The following RNF6 variants were observed in gnomAD, a reference collection of about 807,000 sequenced individuals.
RNF6 encodes the protein E3 ubiquitin-protein ligase RNF6.
In RNF6, 21 loss-of-function variants were observed where a neutral mutation model predicts 50.1. The ratio of observed to expected loss-of-function variants is 0.42; its 90% CI spans 0.30 to 0.60. The LOEUF is 0.60. Among genes scored for constraint, RNF6 ranks in the 20% least tolerant of loss-of-function variants. The probability of loss-of-function intolerance (pLI) is 0.20; values close to 1 mark genes in which losing one functional copy is unlikely to be tolerated. For synonymous variants in RNF6, 255 were observed against 291.8 expected (o/e 0.87, Z 1.29); for missense variants, 698 against 838.2 (o/e 0.83, Z 2.07).
chr13:26,168,839 CA>C (rs1046633748), intron 5 of RNF6, among the ~76,000 whole-genome samples: 13 of 152,278 alleles, frequency 8.5e-5, no homozygotes, highest in African/African-American at 2.6e-4. Context: ...CCTATCTCTA[CA>C]AAAAATTTAA....
chr13:26,176,364 A>C (rs1872956892), intron 5 of RNF6, among the ~76,000 whole-genome samples: 1 of 152,162 alleles, frequency 6.6e-6, no homozygotes, highest in Non-Finnish European at 1.5e-5. Flanking sequence ...ATCATAGCTC[A>C]CTGTATCCTT....
At position 26,213,702 on chromosome 13, in the gene RNF6, A is replaced by T. The variant is rs2049787091; in HGVS notation, c.*122T>A. ...AAGTTTAAAAAAGCACACGAAAAAT[A>T]GTTCAAACTATATATAATCTGTTAT... On this transcript the variant is annotated 3_prime_UTR_variant, in exon 5 of 5. Coordinates refer to ENST00000381588, the MANE Select transcript of RNF6 (RefSeq NM_005977.4). 2 of 631,124 alleles carry T rather than the reference A, an allele frequency of 3.2e-6. No homozygotes were observed. Among genetic ancestry groups the T allele is most frequent in the South Asian group, 1.0e-4 (2 of 19,772 alleles). The allele number at this position is 631,124 out of a possible 1,614,324, so 39.1% of individuals were successfully genotyped here. A position where few individuals can be genotyped will look rare whatever the true frequency, so the allele number is the denominator to read the frequency against.
intron 5 of RNF6, among the ~76,000 whole-genome samples, chr13:26,177,469 TTC>T (rs1873012787): frequency 6.6e-6 from 1 of 152,308 alleles, no homozygotes; most frequent in East Asian, 1.9e-4. Context: ...TCAGTCAGAG[TTC>T]TGTCTTGGTT....
At chr13:26,137,946 G>A (rs1349417457) in intron 5 of RNF6, among the ~76,000 whole-genome samples, 1 of 151,964 alleles carries the variant, frequency 6.6e-6, no homozygotes, top group East Asian at 1.9e-4. Context: ...AAGAAATAAT[G>A]GCCAAAAGCT....
chr13:26,153,728 C>T (rs1002333017), intron 5 of RNF6, among the ~76,000 whole-genome samples: 4 of 152,080 alleles, frequency 2.6e-5, no homozygotes, highest in Non-Finnish European at 5.9e-5. Flanking sequence ...ATTCGGACTT[C>T]CTTTAAATTT....
At chr13:26,179,294 G>A (rs1323517412) in intron 5 of RNF6, among the ~76,000 whole-genome samples, 1 of 152,206 alleles carries the variant, frequency 6.6e-6, no homozygotes, top group African/African-American at 2.4e-5. Context: ...CAAAGAAAAT[G>A]TATTACCCAC....
chr13:26,132,236 A>T (rs1281956209), exon 6 of RNF6: 2 of 290,562 alleles, frequency 6.9e-6, no homozygotes, highest in African/African-American at 4.4e-5. Flanking sequence ...ACAATGTTTT[A>T]AAATGTAATC....
At chr13:26,148,975 T>C (rs150280666) in intron 5 of RNF6, among the ~76,000 whole-genome samples, 2,784 of 151,966 alleles carry the variant, frequency 0.018, 40 homozygotes, top group Non-Finnish European at 0.027. Flanking sequence ...TTTTATCTAT[T>C]CAGGCCTGTA....
At chr13:26,186,294 A>T (rs546400892) in intron 5 of RNF6, among the ~76,000 whole-genome samples, 1 of 152,344 alleles carries the variant, frequency 6.6e-6, no homozygotes, top group South Asian at 2.1e-4. Flanking sequence ...CCGTGTGGAG[A>T]CGCCAGGGCG....
intron 5 of RNF6, among the ~76,000 whole-genome samples, chr13:26,168,574 C>T (rs749361960): frequency 2.6e-5 from 4 of 152,184 alleles, no homozygotes; most frequent in African/African-American, 4.8e-5. Context: ...GGGTTGTTTA[C>T]GTAAATGGTG....
At position 26,184,843 on chromosome 13, in the gene RNF6, C is replaced by G. The variant is rs139836261; in HGVS notation, n.768+30631G>C. ...CAAAGGATAAATCTGTGGACTCCTGCAGAAGGCAGGCGATCCAAAGCAAAT... is the reference window on the plus strand; with the variant it reads ...CAAAGGATAAATCTGTGGACTCCTGGAGAAGGCAGGCGATCCAAAGCAAAT... On this transcript the variant is annotated intron_variant and non_coding_transcript_variant, in intron 5 of 5. Transcript: ENST00000468480. Among the ~76,000 whole-genome samples, 9 of 152,306 alleles carry G rather than the reference C, an allele frequency of 5.9e-5. No individual in the cohort carries two copies. In the East Asian group the frequency reaches 1.5e-3, roughly 26 times the overall value.
chr13:26,218,182 A>C (rs1332556268), intron 4 of RNF6, among the ~76,000 whole-genome samples: 2 of 152,236 alleles, frequency 1.3e-5, no homozygotes, highest in Non-Finnish European at 2.9e-5. Context: ...TCTGTATATA[A>C]ATTTTTAGAA....
intron 5 of RNF6, among the ~76,000 whole-genome samples, chr13:26,139,868 T>C (rs907993226): frequency 3.9e-5 from 6 of 152,200 alleles, no homozygotes; most frequent in Non-Finnish European, 8.8e-5. Context: ...AGACTGGGTC[T>C]CACTGTGTCC....
At chr13:26,172,269 G>T (rs888416079) in intron 5 of RNF6, among the ~76,000 whole-genome samples, 1 of 70,888 alleles carries the variant, frequency 1.4e-5, no homozygotes, top group Non-Finnish European at 3.9e-5. Flanking sequence ...CAGCTGGTTA[G>T]CACTATGGAA....
At chr13:26,162,062 ACT>A (rs955077505) in intron 5 of RNF6, among the ~76,000 whole-genome samples, 1 of 152,062 alleles carries the variant, frequency 6.6e-6, no homozygotes, top group African/African-American at 2.4e-5. Flanking sequence ...CATCTTAAAA[ACT>A]CTTCTGACTG....
chr13:26,209,005 A>G (rs1210315635), downstream of RNF6, among the ~76,000 whole-genome samples: 2 of 152,240 alleles, frequency 1.3e-5, no homozygotes, highest in Non-Finnish European at 2.9e-5. Flanking sequence ...GACCATGGCT[A>G]TTCCTTTAGC....
At chr13:26,181,641 T>A (rs1873248820) in intron 5 of RNF6, among the ~76,000 whole-genome samples, 1 of 152,186 alleles carries the variant, frequency 6.6e-6, no homozygotes. Context: ...TGTCTCTGTA[T>A]CTTGGACCCC....
Position 26,215,411 on chromosome 13 carries a change from A to G in RNF6, c.471T>C (p.His157=), listed in dbSNP as rs762381156. ...FRFSLEIHVN[H]ENRGFEIHGE... ...CATGAATTTCAAATCCTCTATTTTC[A>G]TGATTTACGTGGATTTCCAAACTAA... The change falls in exon 5 of 5, where the codon CAT becomes CAC. Residue 157 remains histidine (H), a synonymous_variant. Transcript: ENST00000381588. The G allele has an allele frequency of 1.2e-6, 2 of 1,614,168 alleles. No individual in the cohort carries two copies. The highest frequency in any genetic ancestry group is 1.7e-6 in the Non-Finnish European group (2 of 1,180,036).
chr13:26,184,200 G>T (rs1593173428), intron 5 of RNF6, among the ~76,000 whole-genome samples: 2 of 151,106 alleles, frequency 1.3e-5, no homozygotes, highest in South Asian at 4.2e-4. Context: ...CCAGGCTAAT[G>T]TTTTGTATTT....
Sources: gnomAD v4.1 joint callset for allele counts (sites outside exome capture counted in the v4.1 genomes callset) on GRCh38, gnomAD v4.1.1 for gene constraint, MANE v1.5 for transcripts, NCBI Gene and HGNC (gene_info 2026-07-23, HGNC 2026-07-21) for gene names.